The following TEAD1 variants were observed in gnomAD, a reference collection of about 807,000 sequenced individuals.
The protein encoded by TEAD1 is transcriptional enhancer factor TEF-1.
TEAD1 carries 9 observed loss-of-function variants against 54.9 expected under a neutral mutation model. The observed-to-expected ratio is 0.16, with a 90% CI of 0.10 to 0.29. The LOEUF is 0.29. Ranked by LOEUF, TEAD1 falls within the 10% of genes least tolerant of loss-of-function variation. TEAD1 has a pLI of 1.00. For missense variants in TEAD1, 387 were observed against 535.9 expected (o/e 0.72, Z 2.74); for synonymous variants, 200 against 187.8 (o/e 1.07, Z -0.53).
At chr11:12,859,291 A>G (rs1386029148) in intron 3 of TEAD1, among the ~76,000 whole-genome samples, 1 of 150,106 alleles carries the variant, frequency 6.7e-6, no homozygotes, top group Non-Finnish European at 1.5e-5. Flanking sequence ...GTTTTCCCAG[A>G]AAATAAACAA....
intron 3 of TEAD1, among the ~76,000 whole-genome samples, chr11:12,831,399 A>C (rs1055975085): frequency 6.6e-6 from 1 of 152,154 alleles, no homozygotes; most frequent in African/African-American, 2.4e-5. Context: ...TGAGGAGTAC[A>C]TATTCCCCCC....
chr11:12,698,649 C>T (rs943208472), intron 2 of TEAD1, among the ~76,000 whole-genome samples: 38 of 152,060 alleles, frequency 2.5e-4, no homozygotes, highest in African/African-American at 8.9e-4. Context: ...TGATTCTAGC[C>T]CCGTGTCTCT....
intron 3 of TEAD1, among the ~76,000 whole-genome samples, chr11:12,775,085 C>G (rs1945392074): frequency 1.3e-5 from 2 of 152,226 alleles, no homozygotes; most frequent in Non-Finnish European, 2.9e-5. Context: ...TAAGCCTGTT[C>G]AGGACTTGTT....
chr11:12,851,762 C>G (rs1452701117), intron 3 of TEAD1, among the ~76,000 whole-genome samples: 1 of 151,826 alleles, frequency 6.6e-6, no homozygotes, highest in African/African-American at 2.4e-5. Flanking sequence ...CCACTGCACT[C>G]CAGACTGGGC....
chr11:12,795,363 A>G (rs1460182697), intron 3 of TEAD1, among the ~76,000 whole-genome samples: 2 of 152,182 alleles, frequency 1.3e-5, no homozygotes, highest in Non-Finnish European at 2.9e-5. Context: ...CCATCTCTGA[A>G]TAAGGTCAAA....
intron 10 of TEAD1, among the ~76,000 whole-genome samples, chr11:12,916,535 A>G (rs148745370): frequency 3.3e-5 from 5 of 152,358 alleles, no homozygotes; most frequent in Admixed American, 1.3e-4. Flanking sequence ...ATTTTATAGT[A>G]CATTATAGAT....
chr11:12,890,446 A>G (rs1948175455), intron 9 of TEAD1, among the ~76,000 whole-genome samples: 3 of 152,160 alleles, frequency 2.0e-5, no homozygotes, highest in Admixed American at 6.5e-5. Flanking sequence ...ATCTTTCATC[A>G]TGCTCTAGTG....
chr11:12,871,341 G>A (rs569485965), intron 5 of TEAD1, among the ~76,000 whole-genome samples: 4 of 152,310 alleles, frequency 2.6e-5, no homozygotes, highest in African/African-American at 9.6e-5. Context: ...CATGTCTGAG[G>A]ATTAGCTCAC....
chr11:12,762,094 G>A (rs181472769), intron 2 of TEAD1, among the ~76,000 whole-genome samples: 1 of 152,266 alleles, frequency 6.6e-6, no homozygotes, highest in East Asian at 1.9e-4. Flanking sequence ...TGAGCACTGG[G>A]CATAACTACT....
At chr11:12,739,788 C>A (rs577924618) in intron 2 of TEAD1, among the ~76,000 whole-genome samples, 3 of 145,804 alleles carry the variant, frequency 2.1e-5, no homozygotes, top group African/African-American at 5.7e-5. Context: ...TGCCAGACAT[C>A]GGGCTAGTTG....
At chr11:12,724,825 CT>C (rs1369704134) in intron 2 of TEAD1, among the ~76,000 whole-genome samples, 9 of 152,308 alleles carry the variant, frequency 5.9e-5, no homozygotes, top group Admixed American at 5.9e-4. Context: ...TTGTACTGGT[CT>C]TTTGTGCTCC....
At chr11:12,820,226 C>T (rs1021081254) in intron 3 of TEAD1, among the ~76,000 whole-genome samples, 3 of 152,064 alleles carry the variant, frequency 2.0e-5, no homozygotes, top group African/African-American at 7.2e-5. Flanking sequence ...TCTTGCCATA[C>T]AGTAATTTTT....
At chr11:12,845,348 A>T (rs1292109085) in intron 3 of TEAD1, among the ~76,000 whole-genome samples, 2 of 152,086 alleles carry the variant, frequency 1.3e-5, no homozygotes, top group Non-Finnish European at 1.5e-5. Context: ...AATGTTGTGG[A>T]CTTGAGAACT....
At position 12,821,685 on chromosome 11, in the gene TEAD1, A is replaced by G. The variant is rs535649670; in HGVS notation, c.203-40565A>G. Among the ~76,000 whole-genome samples, 192 of 152,300 alleles carry G rather than the reference A, an allele frequency of 1.3e-3. 2 individuals carry two copies. The highest frequency in any genetic ancestry group is 4.5e-3 in the African/African-American group (189 of 41,558). On this transcript the variant is annotated intron_variant, in intron 3 of 12. Transcript: ENST00000527636. ...ATGGAAAAAAATGAAAAATGGGTTT[A>G]TAAAAAAATGCCCAGATCCAATTTC...
At chr11:12,705,292 C>T (rs988727156) in intron 2 of TEAD1, among the ~76,000 whole-genome samples, 2 of 152,196 alleles carry the variant, frequency 1.3e-5, no homozygotes, top group Non-Finnish European at 2.9e-5. Context: ...TAGAATTTTG[C>T]CACCAAGTTT....
intron 3 of TEAD1, among the ~76,000 whole-genome samples, chr11:12,780,307 G>A (rs901084600): frequency 6.7e-6 from 1 of 149,674 alleles, no homozygotes; most frequent in Non-Finnish European, 1.5e-5. Flanking sequence ...GCAGTGGTGC[G>A]ATCTTGGCTC....
chr11:12,701,378 C>T (rs1943698176), intron 2 of TEAD1, among the ~76,000 whole-genome samples: 3 of 152,070 alleles, frequency 2.0e-5, no homozygotes, highest in Admixed American at 6.5e-5. Flanking sequence ...TTTACTTTTC[C>T]AGAACCTGTA....
chr11:12,745,686 A>C (rs1035266042), intron 2 of TEAD1, among the ~76,000 whole-genome samples: 1 of 150,816 alleles, frequency 6.6e-6, no homozygotes, highest in Non-Finnish European at 1.5e-5. Flanking sequence ...AATGAAATAT[A>C]AATCAATAAC....
At chr11:12,843,284 T>G (rs1414834040) in intron 3 of TEAD1, among the ~76,000 whole-genome samples, 1 of 152,172 alleles carries the variant, frequency 6.6e-6, no homozygotes, top group Admixed American at 6.5e-5. Context: ...TCCCCTCAGA[T>G]TGGAAAAGAT....
Sources: gnomAD v4.1 joint callset for allele counts (sites outside exome capture counted in the v4.1 genomes callset) on GRCh38, gnomAD v4.1.1 for gene constraint, MANE v1.5 for transcripts, NCBI Gene and HGNC (gene_info 2026-07-23, HGNC 2026-07-21) for gene names.